Variants in CDH13 observed in about 807,000 individuals in gnomAD.
The protein encoded by CDH13 is cadherin 13, also known as cadherin-13.
In CDH13, 24 loss-of-function variants were observed where a neutral mutation model predicts 63.8. The observed-to-expected ratio is 0.38, with a 90% CI of 0.27 to 0.53. The LOEUF is 0.53. CDH13 is among the 20% of genes least tolerant of loss of function. The pLI, the probability that CDH13 is intolerant of heterozygous loss-of-function variation, is 0.85. For synonymous variants in CDH13, 503 were observed against 355.3 expected (o/e 1.42, Z -4.67); for missense variants, 1,049 against 903.1 (o/e 1.16, Z -2.07).
chr16:83,361,083 A>T (rs543245612), intron 6 of CDH13, among the ~76,000 whole-genome samples: 1 of 152,304 alleles, frequency 6.6e-6, no homozygotes, highest in South Asian at 2.1e-4. Context: ...TTTTCTCCAC[A>T]GCCTCATCAG....
intron 2 of CDH13, among the ~76,000 whole-genome samples, chr16:82,907,701 G>A (rs2041695137): frequency 6.6e-6 from 1 of 152,162 alleles, no homozygotes; most frequent in South Asian, 2.1e-4. Flanking sequence ...TCCCGGAACA[G>A]CCACTTTTGA....
intron 5 of CDH13, among the ~76,000 whole-genome samples, chr16:83,226,841 C>CT (rs1212773944): frequency 6.6e-6 from 1 of 151,754 alleles, no homozygotes; most frequent in African/African-American, 2.4e-5. Flanking sequence ...TCCCCAAATG[C>CT]AGGGGCACGG....
At chr16:83,042,939 T>G (rs1917453187) in intron 3 of CDH13, among the ~76,000 whole-genome samples, 1 of 152,216 alleles carries the variant, frequency 6.6e-6, no homozygotes, top group Non-Finnish European at 1.5e-5. Flanking sequence ...TGTGATAACT[T>G]CAAAAAACCT....
At chr16:83,164,829 G>GTACA (rs140256316) in intron 4 of CDH13, among the ~76,000 whole-genome samples, 21,719 of 151,520 alleles carry the variant, frequency 0.14, 1,706 homozygotes, top group Middle Eastern at 0.21. Context: ...TACTAACAGT[G>GTACA]TGTATATATA....
chr16:83,629,739 C>G (rs1462127181), intron 8 of CDH13, among the ~76,000 whole-genome samples: 1 of 152,216 alleles, frequency 6.6e-6, no homozygotes, highest in Non-Finnish European at 1.5e-5. Context: ...CAATTTAAAT[C>G]CCATCTCTTC....
At chr16:83,352,238 C>G (rs1424328657) in intron 6 of CDH13, among the ~76,000 whole-genome samples, 2 of 151,594 alleles carry the variant, frequency 1.3e-5, no homozygotes, top group Non-Finnish European at 2.9e-5. Context: ...GTTGCATAAT[C>G]CAATCAGAGA....
chr16:83,724,982 G>C (rs780481445), intron 10 of CDH13, among the ~76,000 whole-genome samples: 29 of 152,180 alleles, frequency 1.9e-4, no homozygotes, highest in Non-Finnish European at 3.4e-4. Context: ...TTCACAGATA[G>C]TGGGGATATA....
intron 5 of CDH13, among the ~76,000 whole-genome samples, chr16:83,290,767 G>C (rs1028018498): frequency 6.6e-6 from 1 of 152,092 alleles, no homozygotes; most frequent in Admixed American, 6.5e-5. Context: ...CCCTCGTTGT[G>C]ACTGTCCACT....
At chr16:83,469,022 G>A (rs1466564694) in intron 6 of CDH13, among the ~76,000 whole-genome samples, 1 of 152,124 alleles carries the variant, frequency 6.6e-6, no homozygotes, top group East Asian at 1.9e-4. Context: ...AGGACTCTAC[G>A]GCTTTCCCTG....
intron 1 of CDH13, chr16:82,824,714 CAAAAG>C (rs2038161351): frequency 6.6e-6 from 1 of 151,938 alleles, no homozygotes; most frequent in Non-Finnish European, 1.5e-5. Flanking sequence ...GTTGCAAAGA[CAAAAG>C]AATTATACAT....
chr16:83,700,451 T>G (rs1040963021), intron 10 of CDH13, among the ~76,000 whole-genome samples: 7 of 152,252 alleles, frequency 4.6e-5, no homozygotes, highest in African/African-American at 1.4e-4. Context: ...TTCAGTTGCC[T>G]CAGCAGCTGC....
rs1006683716 is a variant in CDH13 at position 83,090,906 on chromosome 16, A to G, written c.367-34479A>G. On this transcript the variant is annotated intron_variant, in intron 3 of 13. Coordinates refer to ENST00000567109, the MANE Select transcript of CDH13 (RefSeq NM_001257.5). Reference sequence around the variant, plus strand: ...AAACCATTTTGAAAAAAAAAAAGTCATTTGGGAACCCCCAGCAAAATACTG... The same window carrying G: ...AAACCATTTTGAAAAAAAAAAAGTCGTTTGGGAACCCCCAGCAAAATACTG... Among the ~76,000 whole-genome samples, 3 of 151,394 alleles carry G rather than the reference A, an allele frequency of 2.0e-5. No individual in the cohort carries two copies. The East Asian group carries it at 5.8e-4, about 29-fold the overall frequency.
chr16:82,710,201 T>C (rs1488601556), intron 1 of CDH13, among the ~76,000 whole-genome samples: 2 of 145,454 alleles, frequency 1.4e-5, no homozygotes, highest in Non-Finnish European at 3.0e-5. Flanking sequence ...ATTATTTATA[T>C]ATTACATTAA....
intron 3 of CDH13, among the ~76,000 whole-genome samples, chr16:83,060,333 G>C (rs576239212): frequency 2.0e-5 from 3 of 152,214 alleles, no homozygotes; most frequent in African/African-American, 7.2e-5. Context: ...AAATGCGTAG[G>C]TCTCCATTCT....
rs890867883 is a variant in CDH13, at chr16:83,795,168, C to G, written c.*138C>G. The G allele has an allele frequency of 4.4e-6, 3 of 676,046 alleles. No individual in the cohort carries two copies. Among genetic ancestry groups the G allele is most frequent in the Non-Finnish European group, 7.5e-6 (3 of 399,788 alleles). The allele number at this position is 676,046 out of a possible 1,614,324, so 41.9% of individuals were successfully genotyped here. A position where few individuals can be genotyped will look rare whatever the true frequency, so the allele number is the denominator to read the frequency against. Reference sequence around the variant, plus strand: ...CTCAATTGTTCCGGTTTTTTATTTTCTTTACAATTTCACTTAGTCTGTACT... The same window carrying G: ...CTCAATTGTTCCGGTTTTTTATTTTGTTTACAATTTCACTTAGTCTGTACT... On this transcript the variant is annotated 3_prime_UTR_variant, in exon 14 of 14. Coordinates refer to ENST00000567109, the MANE Select transcript of CDH13 (RefSeq NM_001257.5).
chr16:83,508,070 A>AGGAAGGAAGGAG (rs1473266569), intron 7 of CDH13, among the ~76,000 whole-genome samples: 2 of 55,762 alleles, frequency 3.6e-5, no homozygotes, highest in African/African-American at 6.9e-5. Context: ...GAAGGAAGGA[A>AGGAAGGAAGGAG]GGAAGGAAGG....
chr16:83,288,886 A>G (rs769515686), intron 5 of CDH13, among the ~76,000 whole-genome samples: 1 of 152,204 alleles, frequency 6.6e-6, no homozygotes, highest in Non-Finnish European at 1.5e-5. Flanking sequence ...AGACAGTGGT[A>G]TTTGCATCCT....
At chr16:83,278,300 G>A (rs2089056020) in intron 5 of CDH13, among the ~76,000 whole-genome samples, 1 of 152,138 alleles carries the variant, frequency 6.6e-6, no homozygotes, top group Non-Finnish European at 1.5e-5. Flanking sequence ...AAAGTCATCT[G>A]ATTTTCTTTT....
chr16:82,820,802 C>A (rs2037968726), intron 1 of CDH13, among the ~76,000 whole-genome samples: 1 of 152,208 alleles, frequency 6.6e-6, no homozygotes, highest in Non-Finnish European at 1.5e-5. Flanking sequence ...TTTCCTAGAT[C>A]TGGCCCTGAA....
Sources: allele counts gnomAD v4.1 joint callset (sites outside exome capture counted in the v4.1 genomes callset), GRCh38; gene constraint gnomAD v4.1.1; transcripts MANE v1.5; gene names NCBI Gene and HGNC (gene_info 2026-07-23, HGNC 2026-07-21).